Variants in GULP1 observed in about 807,000 individuals in gnomAD.
GULP1 encodes GULP PTB domain containing engulfment adaptor 1.
In GULP1, 19 loss-of-function variants were observed where a neutral mutation model predicts 40.9. That is an observed-to-expected ratio of 0.46 (90% CI 0.32 to 0.68). GULP1 has a LOEUF of 0.68. GULP1 is among the 30% of genes least tolerant of loss of function. The pLI, the probability that GULP1 is intolerant of heterozygous loss-of-function variation, is 0.03. For missense variants in GULP1, 312 were observed against 362.2 expected (o/e 0.86, Z 1.12); for synonymous variants, 119 against 117.6 (o/e 1.01, Z -0.08).
At chr2:188,543,773 C>T (rs1015901303) in intron 7 of GULP1, among the ~76,000 whole-genome samples, 10 of 152,146 alleles carry the variant, frequency 6.6e-5, no homozygotes, top group Non-Finnish European at 4.4e-5. Context: ...ACATTTATCT[C>T]ATCATGCTAT....
intron 2 of GULP1, among the ~76,000 whole-genome samples, chr2:188,463,460 T>G (rs2059874599): frequency 6.6e-6 from 1 of 152,190 alleles, no homozygotes; most frequent in Non-Finnish European, 1.5e-5. Flanking sequence ...TCCTTGACCT[T>G]TGGGAGTTTG....
At chr2:188,446,109 C>T (rs889611942) in intron 2 of GULP1, among the ~76,000 whole-genome samples, 1 of 152,152 alleles carries the variant, frequency 6.6e-6, no homozygotes. Flanking sequence ...GATATCATCT[C>T]ATCAGGAGAC....
chr2:188,569,420 TCAAA>T (rs1353403191), intron 8 of GULP1, 65 bp downstream of exon 8: 21 of 853,432 alleles, frequency 2.5e-5, no homozygotes, highest in Non-Finnish European at 3.9e-5. Flanking sequence ...TTGCATATCG[TCAAA>T]CAAATTTAGA....
At chr2:188,401,119 T>A (rs999510521) in intron 2 of GULP1, among the ~76,000 whole-genome samples, 1 of 152,110 alleles carries the variant, frequency 6.6e-6, no homozygotes, top group Non-Finnish European at 1.5e-5. Flanking sequence ...TCTTAGTATG[T>A]TAGTATATAA....
At chr2:188,402,593 A>C (rs1229068479) in intron 2 of GULP1, among the ~76,000 whole-genome samples, 1 of 152,044 alleles carries the variant, frequency 6.6e-6, no homozygotes, top group African/African-American at 2.4e-5. Context: ...AAGCGAGTTT[A>C]CATTACTTAT....
At chr2:188,419,571 A>G (rs1002690484) in intron 2 of GULP1, among the ~76,000 whole-genome samples, 2 of 150,518 alleles carry the variant, frequency 1.3e-5, no homozygotes, top group African/African-American at 4.9e-5. Context: ...TTTTTTTAAT[A>G]TTGAGTTATA....
intron 7 of GULP1, 94 bp from the exon 8 acceptor site, chr2:188,569,145 C>A: frequency 1.4e-6 from 1 of 724,228 alleles, no homozygotes; most frequent in Non-Finnish European, 2.5e-6. Flanking sequence ...TTGTGAATGT[C>A]TTGGAGTAAG....
At chr2:188,514,847 C>T (rs1007254425) in intron 4 of GULP1, among the ~76,000 whole-genome samples, 2 of 152,126 alleles carry the variant, frequency 1.3e-5, no homozygotes, top group African/African-American at 4.8e-5. Context: ...TGTCAAAATT[C>T]CCTTTCGATC....
chr2:188,564,426 A>T (rs926140960), intron 7 of GULP1, among the ~76,000 whole-genome samples: 1 of 151,964 alleles, frequency 6.6e-6, no homozygotes, highest in Non-Finnish European at 1.5e-5. Flanking sequence ...AATGTACAAA[A>T]TTAAATTGTG....
At chr2:188,547,530 T>C (rs987390136) in intron 7 of GULP1, among the ~76,000 whole-genome samples, 1 of 152,080 alleles carries the variant, frequency 6.6e-6, no homozygotes, top group African/African-American at 2.4e-5. Flanking sequence ...GAGAAAGATG[T>C]AGGCTGGGAG....
At chr2:188,583,303 C>T (rs779831627) in intron 9 of GULP1, among the ~76,000 whole-genome samples, 1 of 152,134 alleles carries the variant, frequency 6.6e-6, no homozygotes, top group Non-Finnish European at 1.5e-5. Flanking sequence ...TCATCACCTG[C>T]ACTACCTGTG....
chr2:188,372,006 T>A (rs200142042), intron 1 of GULP1, among the ~76,000 whole-genome samples: 11 of 9,674 alleles, frequency 1.1e-3, no homozygotes, highest in Non-Finnish European at 1.5e-3. Flanking sequence ...ACATCATTGA[T>A]TTTTCCAATG....
intron 4 of GULP1, among the ~76,000 whole-genome samples, chr2:188,506,064 A>T (rs116121949): frequency 3.3e-5 from 5 of 152,026 alleles, no homozygotes; most frequent in African/African-American, 1.2e-4. Flanking sequence ...AGAAGAATAT[A>T]TACAATATAA....
At chr2:188,406,908 G>C (rs906051675) in intron 2 of GULP1, among the ~76,000 whole-genome samples, 34 of 152,008 alleles carry the variant, frequency 2.2e-4, no homozygotes, top group Non-Finnish European at 5.9e-5. Context: ...ACAGAAAAAT[G>C]AAAAATCTCT....
At chr2:188,591,793 T>C (rs1017198148) in intron 11 of GULP1, 1 of 151,990 alleles carries the variant, frequency 6.6e-6, no homozygotes, top group East Asian at 1.9e-4. Flanking sequence ...GTGATTTTTC[T>C]TTCCTTGATA....
intron 7 of GULP1, among the ~76,000 whole-genome samples, chr2:188,559,231 TG>T (rs1457341256): frequency 6.6e-6 from 1 of 152,148 alleles, no homozygotes; most frequent in Non-Finnish European, 1.5e-5. Flanking sequence ...GTTGGTGCCC[TG>T]CATCCCAGTT....
intron 5 of GULP1, among the ~76,000 whole-genome samples, chr2:188,528,450 A>G (rs1686730137): frequency 6.6e-6 from 1 of 152,002 alleles, no homozygotes; most frequent in African/African-American, 2.4e-5. Context: ...AAGCATTTAC[A>G]TACACCTACT....
intron 7 of GULP1, among the ~76,000 whole-genome samples, chr2:188,553,199 G>A (rs1444673304): frequency 2.0e-5 from 3 of 151,840 alleles, no homozygotes; most frequent in African/African-American, 7.3e-5. Flanking sequence ...ATTGCCCTGG[G>A]TGGACTTCCA....
At chr2:188,389,648 C>T (rs1259152908) in intron 2 of GULP1, among the ~76,000 whole-genome samples, 2 of 151,996 alleles carry the variant, frequency 1.3e-5, no homozygotes, top group Admixed American at 6.6e-5. Flanking sequence ...GGGGTATCAG[C>T]GGTTTTTAGT....
Sources: gnomAD v4.1 joint callset for allele counts (sites outside exome capture counted in the v4.1 genomes callset) on GRCh38, gnomAD v4.1.1 for gene constraint, MANE v1.5 for transcripts, NCBI Gene and HGNC (gene_info 2026-07-23, HGNC 2026-07-21) for gene names.